KIF1B: variants seen among roughly 807,000 people sequenced by gnomAD.
The protein encoded by KIF1B is kinesin family member 1B, also known as kinesin-like protein KIF1B.
In KIF1B, 76 loss-of-function variants were observed where a neutral mutation model predicts 241.9. The ratio of observed to expected loss-of-function variants is 0.31; its 90% CI spans 0.26 to 0.38. The LOEUF (loss-of-function observed/expected upper bound fraction) is 0.38, where lower values mean the gene tolerates loss of function less well. Among genes scored for constraint, KIF1B ranks in the 10% least tolerant of loss-of-function variants. The probability of loss-of-function intolerance (pLI) is 1.00; values close to 1 mark genes in which losing one functional copy is unlikely to be tolerated. For missense variants in KIF1B, 1,622 were observed against 2,271.4 expected (o/e 0.71, Z 5.81); for synonymous variants, 750 against 796.7 (o/e 0.94, Z 0.99).
chr1:10,285,586 T>C (rs1649647429), intron 15 of KIF1B, among the ~76,000 whole-genome samples: 2 of 152,260 alleles, frequency 1.3e-5, no homozygotes, highest in African/African-American at 4.8e-5. Context: ...CTGTTTTCCC[T>C]AGTTTTATTC....
At chr1:10,215,164 ATATATATATTTTTTTT>A (rs1401461985) in intron 1 of KIF1B, among the ~76,000 whole-genome samples, 515 of 70,860 alleles carry the variant, frequency 7.3e-3, no homozygotes, top group African/African-American at 0.041. Flanking sequence ...ATATATATAT[ATATATATATTTTTTTT>A]TTTTTTTTTT....
chr1:10,218,390 G>A (rs1646796725), intron 1 of KIF1B, among the ~76,000 whole-genome samples: 1 of 151,538 alleles, frequency 6.6e-6, no homozygotes, highest in African/African-American at 2.4e-5. Flanking sequence ...TACTCACATG[G>A]CTATTAAATT....
intron 1 of KIF1B, among the ~76,000 whole-genome samples, chr1:10,218,667 C>T (rs1316773936): frequency 2.0e-5 from 3 of 152,162 alleles, no homozygotes; most frequent in South Asian, 4.1e-4. Flanking sequence ...GTGATCCACC[C>T]GCCTTGGCCT....
chr1:10,233,894 G>A (rs1326582589), intron 2 of KIF1B, among the ~76,000 whole-genome samples: 2 of 151,776 alleles, frequency 1.3e-5, no homozygotes, highest in African/African-American at 4.8e-5. Flanking sequence ...CACCCGCCTC[G>A]GCCTCGCAAA....
rs146795780 is a variant in KIF1B at position 10,273,856 on chromosome 1, C to T, written c.882+825C>T. ...ATCCTTAGTTTAACCTTGGATTATA[C>T]CAGGACTGAATTATAAAACTGCTGA... is the stretch of plus-strand genomic sequence containing the variant. On this transcript the variant is annotated intron_variant, in intron 10 of 48. Coordinates refer to ENST00000676179, the MANE Select transcript of KIF1B (RefSeq NM_001365951.3). 1.3e-3 allele frequency among the ~76,000 whole-genome samples: 193 copies of T among 151,214 alleles called. 1 individual carries two copies. The highest frequency in any genetic ancestry group is 4.5e-3 in the African/African-American group (186 of 41,206).
In KIF1B at chr1:10,295,632, C is replaced by T. The variant is rs1481412842; in HGVS notation, c.1671-28C>T. The stretch of plus-strand genomic sequence containing the variant: ...GTAGTGCTTTCTGTGTCTGAATTTC[C>T]CTGGGAAACACTTTCTCTTGTGTTC... On this transcript the variant is annotated intron_variant, in intron 18 of 48. Transcript: ENST00000676179. The T allele has an allele frequency of 1.9e-6, 3 of 1,598,862 alleles. No homozygotes were observed. In the East Asian group the frequency reaches 6.7e-5, roughly 36 times the overall value.
intron 7 of KIF1B, among the ~76,000 whole-genome samples, chr1:10,270,832 G>A (rs1478926825): frequency 4.0e-5 from 6 of 151,840 alleles, no homozygotes; most frequent in Admixed American, 2.6e-4. Context: ...AGGCTGAGGT[G>A]GGAGAATCGT....
chr1:10,243,032 TA>T (rs368271200), intron 2 of KIF1B, among the ~76,000 whole-genome samples: 15 of 152,188 alleles, frequency 9.9e-5, no homozygotes, highest in African/African-American at 3.6e-4. Flanking sequence ...TAACTAAACT[TA>T]CTCTTTCCAC....
rs1399960639 is a variant in KIF1B, at chr1:10,377,175, C to T, written c.*588C>T. The T allele has an allele frequency of 4.2e-6, 1 of 238,666 alleles. No individual in the cohort carries two copies. The highest frequency in any genetic ancestry group is 8.3e-6 in the Non-Finnish European group (1 of 120,490). 14.8% of individuals were successfully genotyped at this position (238,666 alleles called of 1,614,324 possible). ...CTGTCTCTTTTTGCCATGGCTAATC[C>T]CTGCATTTCCATTCAGGGAAAAGGT... On this transcript the variant is annotated 3_prime_UTR_variant, in exon 49 of 49. Coordinates refer to ENST00000676179, the MANE Select transcript of KIF1B (RefSeq NM_001365951.3).
chr1:10,312,502 C>T (rs1651110287), intron 22 of KIF1B, among the ~76,000 whole-genome samples: 1 of 151,450 alleles, frequency 6.6e-6, no homozygotes, highest in Admixed American at 6.6e-5. Flanking sequence ...ATCCCCAGAC[C>T]TTACCATGGT....
chr1:10,285,908 T>C (rs1649666921), intron 15 of KIF1B, among the ~76,000 whole-genome samples: 1 of 152,222 alleles, frequency 6.6e-6, no homozygotes, highest in African/African-American at 2.4e-5. Context: ...TAACATTTTA[T>C]TTCCCTTTGT....
At chr1:10,242,332 A>G (rs1647148709) in intron 2 of KIF1B, among the ~76,000 whole-genome samples, 1 of 151,990 alleles carries the variant, frequency 6.6e-6, no homozygotes, top group Admixed American at 6.6e-5. Flanking sequence ...ACACAAACCT[A>G]CAGGGCGTAG....
At chr1:10,331,799 C>G (rs1651930526) in intron 27 of KIF1B, among the ~76,000 whole-genome samples, 1 of 152,196 alleles carries the variant, frequency 6.6e-6, no homozygotes, top group African/African-American at 2.4e-5. Flanking sequence ...ATAGTAGGAA[C>G]TAGATTCTAT....
intron 38 of KIF1B, among the ~76,000 whole-genome samples, chr1:10,355,991 T>C (rs1302581420): frequency 6.6e-6 from 1 of 152,142 alleles, no homozygotes; most frequent in South Asian, 2.1e-4. Context: ...TTAAAGGAAG[T>C]TTTTTAAAAA....
chr1:10,244,749 A>G (rs1373803732), intron 2 of KIF1B, among the ~76,000 whole-genome samples: 1 of 151,056 alleles, frequency 6.6e-6, no homozygotes. Flanking sequence ...AGTAGCTGGG[A>G]CTACAGGCGC....
intron 32 of KIF1B, among the ~76,000 whole-genome samples, chr1:10,341,478 A>C (rs775972853): frequency 6.6e-6 from 1 of 152,274 alleles, no homozygotes; most frequent in Non-Finnish European, 1.5e-5. Context: ...AAGGAGCAGC[A>C]GGTGAGTGAG....
intron 7 of KIF1B, among the ~76,000 whole-genome samples, chr1:10,270,303 C>T (rs1648719983): frequency 6.6e-6 from 1 of 152,152 alleles, no homozygotes; most frequent in Non-Finnish European, 1.5e-5. Flanking sequence ...TATTAATTTA[C>T]ATTTTCTAGA....
chr1:10,268,556 A>G (rs1648597020), intron 7 of KIF1B, among the ~76,000 whole-genome samples: 4 of 152,126 alleles, frequency 2.6e-5, no homozygotes, highest in South Asian at 4.1e-4. Context: ...TGCAGGAGAA[A>G]GTTCTTTCTT....
At chr1:10,265,876 T>C in intron 5 of KIF1B, among the ~76,000 whole-genome samples, 1 of 151,820 alleles carries the variant, frequency 6.6e-6, no homozygotes, top group South Asian at 2.1e-4. Context: ...TAAAATACAG[T>C]ATAAAAATAC....
Sources: allele counts gnomAD v4.1 joint callset (sites outside exome capture counted in the v4.1 genomes callset), GRCh38; gene constraint gnomAD v4.1.1; transcripts MANE v1.5; gene names NCBI Gene and HGNC (gene_info 2026-07-23, HGNC 2026-07-21).